Variants in GPHN observed in about 807,000 individuals in gnomAD.
The protein encoded by GPHN is gephyrin.
A neutral mutation model predicts 95.5 loss-of-function variants in GPHN; 17 were observed. The ratio of observed to expected loss-of-function variants is 0.18; its 90% CI spans 0.12 to 0.27. The LOEUF is 0.27. Ranked by LOEUF, GPHN falls within the 10% of genes least tolerant of loss-of-function variation. The pLI is 1.00. For missense variants in GPHN, 660 were observed against 978.1 expected, an observed-to-expected ratio of 0.67 and a Z score of 4.34; for synonymous variants, 320 against 322.5, an observed-to-expected ratio of 0.99 and a Z score of 0.08.
chr14:67,273,273 C>G, the GPHN span, among the ~76,000 whole-genome samples: 29 of 151,838 alleles, frequency 1.9e-4, no homozygotes, highest in South Asian at 5.6e-3. Flanking sequence ...CCCCTCCCAC[C>G]TCCCCAACCC....
chr14:67,506,047 T>C, the GPHN span, among the ~76,000 whole-genome samples: 1 of 152,112 alleles, frequency 6.6e-6, no homozygotes, highest in East Asian at 1.9e-4. Context: ...TCCCAGCAAT[T>C]GGGAGGGTAA....
intron 1 of GPHN, among the ~76,000 whole-genome samples, chr14:66,655,661 CTTTTT>C (rs553551938): frequency 3.4e-5 from 5 of 145,828 alleles, no homozygotes; most frequent in African/African-American, 1.0e-4. Context: ...GAGCATATAT[CTTTTT>C]TTTTTTGTTC....
chr14:67,225,076 C>A, the GPHN span: 1 of 1,505,592 alleles, frequency 6.6e-7, no homozygotes. Flanking sequence ...CTCTATTGAT[C>A]TCTCCTTTAC....
At chr14:67,144,179 G>A (rs2080682881) in intron 18 of GPHN, among the ~76,000 whole-genome samples, 2 of 144,234 alleles carry the variant, frequency 1.4e-5, no homozygotes, top group Non-Finnish European at 3.0e-5. Context: ...CAAGGCTGCA[G>A]TGAGCTGAGA....
At chr14:67,212,638 A>ATATATATATATG in the GPHN span, among the ~76,000 whole-genome samples, 11 of 145,940 alleles carry the variant, frequency 7.5e-5, no homozygotes, top group African/African-American at 2.5e-4. Flanking sequence ...TATATAATAT[A>ATATATATATATG]TATTACATAT....
intron 1 of GPHN, among the ~76,000 whole-genome samples, chr14:66,621,864 G>A (rs1453510525): frequency 6.6e-6 from 1 of 152,164 alleles, no homozygotes; most frequent in Non-Finnish European, 1.5e-5. Context: ...CATCCCAGCT[G>A]CTTTCATTGG....
intron 1 of GPHN, among the ~76,000 whole-genome samples, chr14:66,521,033 T>C (rs1191266989): frequency 2.0e-5 from 3 of 152,184 alleles, no homozygotes; most frequent in Non-Finnish European, 4.4e-5. Flanking sequence ...AGACATGATC[T>C]CATTTTTTTT....
intron 1 of GPHN, among the ~76,000 whole-genome samples, chr14:66,568,300 A>G (rs1566618365): frequency 6.6e-6 from 1 of 152,096 alleles, no homozygotes; most frequent in Non-Finnish European, 1.5e-5. Flanking sequence ...TGTTCAGAAT[A>G]TTGTTTTGTG....
intron 2 of GPHN, among the ~76,000 whole-genome samples, chr14:66,765,237 C>T (rs1186486106): frequency 6.6e-6 from 1 of 152,054 alleles, no homozygotes; most frequent in Non-Finnish European, 1.5e-5. Flanking sequence ...ATTAATTTGC[C>T]CATTGTGAAA....
intron 10 of GPHN, among the ~76,000 whole-genome samples, chr14:67,057,337 G>A (rs1333582297): frequency 6.7e-6 from 1 of 148,318 alleles, no homozygotes; most frequent in Non-Finnish European, 1.5e-5. Flanking sequence ...AACTAACACA[G>A]GAACAGAAAA....
intron 9 of GPHN, among the ~76,000 whole-genome samples, chr14:66,993,217 T>C (rs563738986): frequency 1.3e-5 from 2 of 152,112 alleles, no homozygotes; most frequent in South Asian, 4.1e-4. Context: ...TTTTATTGTC[T>C]TCTCTAGCTA....
At chr14:66,686,606 C>T (rs1002876652) in intron 2 of GPHN, among the ~76,000 whole-genome samples, 3 of 152,144 alleles carry the variant, frequency 2.0e-5, no homozygotes, top group East Asian at 3.8e-4. Flanking sequence ...ATTTTATGTC[C>T]TGAGACTTTG....
At chr14:66,766,015 C>T (rs939489695) in intron 2 of GPHN, among the ~76,000 whole-genome samples, 2 of 152,072 alleles carry the variant, frequency 1.3e-5, no homozygotes, top group African/African-American at 4.8e-5. Flanking sequence ...GGAGAACAAC[C>T]AGTTTAAGCA....
chr14:67,274,689 T>A, the GPHN span, among the ~76,000 whole-genome samples: 1 of 152,202 alleles, frequency 6.6e-6, no homozygotes, highest in South Asian at 2.1e-4. Context: ...GGGGATGGCA[T>A]TGAATCTATA....
chr14:66,686,359 T>C (rs1193073913), intron 2 of GPHN, among the ~76,000 whole-genome samples: 3 of 152,248 alleles, frequency 2.0e-5, no homozygotes, highest in African/African-American at 7.2e-5. Flanking sequence ...TTCATGATAT[T>C]GATTCTTCCT....
At chr14:67,656,360 G>A in the GPHN span, 1 of 1,463,168 alleles carries the variant, frequency 6.8e-7, no homozygotes, top group Non-Finnish European at 9.1e-7. Flanking sequence ...GTTTCCAGGT[G>A]CAGTGGCCCC....
the GPHN span, chr14:67,541,960 G>A: frequency 6.2e-7 from 1 of 1,607,660 alleles, no homozygotes; most frequent in African/African-American, 1.3e-5. Flanking sequence ...TCCGCCTACA[G>A]GCCAGCAAGA....
the GPHN span, chr14:67,323,811 A>C: frequency 6.6e-7 from 1 of 1,526,046 alleles, no homozygotes; most frequent in Non-Finnish European, 9.0e-7. Flanking sequence ...AAGAATCCAA[A>C]GGTAAAGTTT....
intron 2 of GPHN, among the ~76,000 whole-genome samples, chr14:66,753,967 A>G (rs896372475): frequency 2.0e-5 from 3 of 152,196 alleles, no homozygotes; most frequent in Non-Finnish European, 4.4e-5. Flanking sequence ...ATTATACAAC[A>G]TATAGGGATT....
Sources: allele counts gnomAD v4.1 joint callset (sites outside exome capture counted in the v4.1 genomes callset), GRCh38; gene constraint gnomAD v4.1.1; transcripts MANE v1.5; gene names NCBI Gene and HGNC (gene_info 2026-07-23, HGNC 2026-07-21).